The following DLGAP1 variants were observed in gnomAD, a reference collection of about 807,000 sequenced individuals.
DLGAP1 encodes the protein DLG associated protein 1.
In DLGAP1, 11 loss-of-function variants were observed where a neutral mutation model predicts 90.8. The observed-to-expected ratio is 0.12, with a 90% CI of 0.08 to 0.20. DLGAP1 has a LOEUF of 0.20. Ranked by LOEUF, DLGAP1 falls within the 10% of genes least tolerant of loss-of-function variation. DLGAP1 has a pLI of 1.00. For synonymous variants in DLGAP1, 558 were observed against 540.7 expected (o/e 1.03, Z -0.44); for missense variants, 1,050 against 1,333.8 (o/e 0.79, Z 3.31).
At chr18:3,852,705 G>C (rs2069411836) in intron 4 of DLGAP1, among the ~76,000 whole-genome samples, 1 of 151,974 alleles carries the variant, frequency 6.6e-6, no homozygotes. Flanking sequence ...GATCATTAAT[G>C]GCTGTTGAAT....
intron 4 of DLGAP1, among the ~76,000 whole-genome samples, chr18:3,860,133 T>G (rs1166577940): frequency 6.8e-6 from 1 of 147,906 alleles, no homozygotes; most frequent in African/African-American, 2.5e-5. Flanking sequence ...TGCATTGTAT[T>G]AAGGCACTAA....
chr18:3,550,895 C>T (rs541032266), intron 9 of DLGAP1, among the ~76,000 whole-genome samples: 1 of 151,868 alleles, frequency 6.6e-6, no homozygotes, highest in Admixed American at 6.6e-5. Flanking sequence ...GGGCCCACCA[C>T]CACGCCTGGC....
At chr18:3,661,428 T>C (rs1375973715) in intron 7 of DLGAP1, among the ~76,000 whole-genome samples, 1 of 152,168 alleles carries the variant, frequency 6.6e-6, no homozygotes, top group Non-Finnish European at 1.5e-5. Context: ...CCCTCTGGTG[T>C]CATGGACCAC....
intron 7 of DLGAP1, among the ~76,000 whole-genome samples, chr18:3,582,724 G>C (rs934944079): frequency 5.3e-5 from 8 of 152,118 alleles, no homozygotes; most frequent in Admixed American, 5.2e-4. Flanking sequence ...AGGTTGTGAG[G>C]ATGCGTGTTC....
chr18:4,235,740 T>TTTTG, intron 1 of DLGAP1, among the ~76,000 whole-genome samples: 1 of 146,410 alleles, frequency 6.8e-6, no homozygotes, highest in Non-Finnish European at 1.5e-5. Flanking sequence ...TTTTTTTTTT[T>TTTTG]TTTGAGACGG....
In DLGAP1 at chr18:3,842,117, G is replaced by T. The variant is rs183373036; in HGVS notation, c.958-27844C>A. Reference sequence around the variant, plus strand: ...GGGAAGAGAGGAGTTTGGCAGGGGTGGGGGGTGAGGGGTGGAGGGGGTTGT... The same window carrying T: ...GGGAAGAGAGGAGTTTGGCAGGGGTTGGGGGTGAGGGGTGGAGGGGGTTGT... On this transcript the variant is annotated intron_variant, in intron 4 of 12. Coordinates refer to ENST00000315677, the MANE Select transcript of DLGAP1 (RefSeq NM_004746.4). Among the ~76,000 whole-genome samples the T allele has an allele frequency of 2.0e-4, 30 of 151,758 alleles. No individual in the cohort carries two copies. In the South Asian group the frequency reaches 6.1e-3, roughly 31 times the overall value.
chr18:3,734,211 T>C (rs1452078319), intron 6 of DLGAP1, among the ~76,000 whole-genome samples: 1 of 152,140 alleles, frequency 6.6e-6, no homozygotes, highest in East Asian at 1.9e-4. Context: ...TATTTGTCAA[T>C]TTCTCTTTTT....
chr18:4,193,060 C>T (rs923110377), intron 1 of DLGAP1, among the ~76,000 whole-genome samples: 5 of 152,296 alleles, frequency 3.3e-5, no homozygotes, highest in African/African-American at 7.2e-5. Flanking sequence ...TTGTCATTTG[C>T]GCAGGCTACT....
At chr18:4,021,935 T>C (rs1392379154) in intron 2 of DLGAP1, among the ~76,000 whole-genome samples, 1 of 152,156 alleles carries the variant, frequency 6.6e-6, no homozygotes, top group East Asian at 1.9e-4. Context: ...AAGAACAGAC[T>C]AACACAGAAC....
rs556559363 is a variant in DLGAP1, at chr18:4,350,332, C to T, written c.-267+104674G>A. Among the ~76,000 whole-genome samples, 8 of 152,046 alleles carry T rather than the reference C, an allele frequency of 5.3e-5. No homozygotes were observed. The South Asian group carries it at 1.2e-3, about 24-fold the overall frequency. ...ATTTTTAACATATGTGTACCAAAAC[C>T]GATTGTTTTTAAAGAAAAAAACAAA... On this transcript the variant is annotated intron_variant, in intron 1 of 12. Transcript: ENST00000315677.
chr18:4,126,864 C>T (rs1374872434), intron 2 of DLGAP1, among the ~76,000 whole-genome samples: 2 of 152,190 alleles, frequency 1.3e-5, no homozygotes, highest in African/African-American at 4.8e-5. Flanking sequence ...CTTCAGACAG[C>T]TGTCCCAGAT....
At chr18:3,923,145 A>AG (rs2148914788) in intron 3 of DLGAP1, among the ~76,000 whole-genome samples, 1 of 151,086 alleles carries the variant, frequency 6.6e-6, no homozygotes, top group African/African-American at 2.4e-5. Context: ...AAAAAAAAAA[A>AG]AAAAAAAAAA....
chr18:3,514,465 A>G (rs2050715543), intron 10 of DLGAP1, among the ~76,000 whole-genome samples: 1 of 152,200 alleles, frequency 6.6e-6, no homozygotes, highest in African/African-American at 2.4e-5. Flanking sequence ...GAAGGTTACT[A>G]CGGTAGATAT....
intron 2 of DLGAP1, among the ~76,000 whole-genome samples, chr18:4,059,065 G>A (rs1221889277): frequency 6.6e-6 from 1 of 152,158 alleles, no homozygotes; most frequent in Admixed American, 6.5e-5. Context: ...GGGTACACAG[G>A]TAAGGGCAGT....
At chr18:3,584,006 G>C (rs1599370062) in intron 7 of DLGAP1, among the ~76,000 whole-genome samples, 1 of 152,076 alleles carries the variant, frequency 6.6e-6, no homozygotes, top group Non-Finnish European at 1.5e-5. Flanking sequence ...CCCGTACAAG[G>C]GGGTCAAGGT....
chr18:4,296,670 A>AT (rs1212983115), intron 1 of DLGAP1, among the ~76,000 whole-genome samples: 1 of 152,172 alleles, frequency 6.6e-6, no homozygotes, highest in Non-Finnish European at 1.5e-5. Context: ...TGGACAAAAC[A>AT]TTTTTTGTTC....
intron 4 of DLGAP1, among the ~76,000 whole-genome samples, chr18:3,818,109 G>T (rs2067194624): frequency 6.6e-6 from 1 of 152,078 alleles, no homozygotes; most frequent in Non-Finnish European, 1.5e-5. Context: ...TTATGGATGA[G>T]AAAAAAGGAT....
chr18:3,973,682 G>C (rs2073504522), intron 3 of DLGAP1, among the ~76,000 whole-genome samples: 1 of 152,164 alleles, frequency 6.6e-6, no homozygotes, highest in Admixed American at 6.5e-5. Flanking sequence ...CTCAATTTTA[G>C]ATAATTTTAT....
chr18:3,628,220 C>T (rs1373709151), intron 7 of DLGAP1, among the ~76,000 whole-genome samples: 14 of 143,592 alleles, frequency 9.7e-5, no homozygotes, highest in South Asian at 4.4e-4. Context: ...GACGGAGTCT[C>T]GCTCTGTCAC....
Sources: allele counts gnomAD v4.1 joint callset (sites outside exome capture counted in the v4.1 genomes callset), GRCh38; gene constraint gnomAD v4.1.1; transcripts MANE v1.5; gene names NCBI Gene and HGNC (gene_info 2026-07-23, HGNC 2026-07-21).